Variants in EXOC6B observed in about 807,000 individuals in gnomAD.
EXOC6B encodes the protein SEC15 homolog B.
A neutral mutation model predicts 113.5 loss-of-function variants in EXOC6B; 54 were observed. The ratio of observed to expected loss-of-function variants is 0.48; its 90% CI spans 0.38 to 0.60. The LOEUF is 0.60. Among genes scored for constraint, EXOC6B ranks in the 20% least tolerant of loss-of-function variants. EXOC6B has a pLI of 0.00. For missense variants in EXOC6B, 797 were observed against 977.5 expected, an observed-to-expected ratio of 0.82 and a Z score of 2.46; for synonymous variants, 357 against 339.0, an observed-to-expected ratio of 1.05 and a Z score of -0.58.
chr2:72,641,856 A>G (rs1396668751), intron 6 of EXOC6B, among the ~76,000 whole-genome samples: 2 of 152,222 alleles, frequency 1.3e-5, no homozygotes, highest in Admixed American at 1.3e-4. Flanking sequence ...TCTGGGACGA[A>G]GATTCCAGAG....
chr2:72,455,346 C>A (rs1291356378), intron 18 of EXOC6B, among the ~76,000 whole-genome samples: 1 of 152,182 alleles, frequency 6.6e-6, no homozygotes, highest in Non-Finnish European at 1.5e-5. Flanking sequence ...AGAGTTTCTA[C>A]TTTATGGGGA....
chr2:72,443,924 C>G (rs1573131831), intron 18 of EXOC6B, among the ~76,000 whole-genome samples: 2 of 152,118 alleles, frequency 1.3e-5, no homozygotes, highest in South Asian at 4.1e-4. Flanking sequence ...AATCTCATAT[C>G]CTCACACTTC....
intron 6 of EXOC6B, among the ~76,000 whole-genome samples, chr2:72,647,769 A>G (rs1020027162): frequency 3.3e-5 from 5 of 152,226 alleles, no homozygotes; most frequent in Admixed American, 6.5e-5. Flanking sequence ...CACCTTATAC[A>G]AAAATTAATT....
chr2:72,486,458 C>T (rs1699427020), intron 16 of EXOC6B, among the ~76,000 whole-genome samples: 1 of 152,134 alleles, frequency 6.6e-6, no homozygotes, highest in Admixed American at 6.5e-5. Flanking sequence ...GCACTTGATG[C>T]TACCAAATAA....
intron 1 of EXOC6B, among the ~76,000 whole-genome samples, chr2:72,771,320 C>T (rs933242249): frequency 2.6e-5 from 4 of 152,040 alleles, no homozygotes; most frequent in Non-Finnish European, 5.9e-5. Flanking sequence ...CTAATTTTTG[C>T]CATATTTGTT....
chr2:72,608,229 TAAG>T (rs1196411176), intron 6 of EXOC6B, among the ~76,000 whole-genome samples: 1 of 152,126 alleles, frequency 6.6e-6, no homozygotes, highest in Admixed American at 6.6e-5. Context: ...GGAAAAGCCG[TAAG>T]AAGTTCATAT....
chr2:72,460,109 G>T (rs891129874), intron 18 of EXOC6B, among the ~76,000 whole-genome samples: 12 of 151,980 alleles, frequency 7.9e-5, no homozygotes, highest in Non-Finnish European at 1.2e-4. Flanking sequence ...ATGGGGAAAG[G>T]ATTCCCTATT....
chr2:72,604,152 A>G (rs1269787854), intron 6 of EXOC6B, among the ~76,000 whole-genome samples: 1 of 152,180 alleles, frequency 6.6e-6, no homozygotes, highest in Admixed American at 6.5e-5. Flanking sequence ...TTAACAATTT[A>G]GTGACTCTAA....
chr2:72,676,313 A>AT (rs1676310511), intron 6 of EXOC6B, among the ~76,000 whole-genome samples: 1 of 152,180 alleles, frequency 6.6e-6, no homozygotes, highest in Non-Finnish European at 1.5e-5. Context: ...AAAGCATCTG[A>AT]TTTAGTGAAA....
intron 18 of EXOC6B, among the ~76,000 whole-genome samples, chr2:72,457,005 TG>T (rs202125713): frequency 8.2e-5 from 12 of 145,962 alleles, no homozygotes; most frequent in South Asian, 2.2e-4. Flanking sequence ...ACGAAAGGCA[TG>T]GGGGGGAAAA....
chr2:72,276,655 C>T (rs1212295730), intron 20 of EXOC6B, among the ~76,000 whole-genome samples: 1 of 152,096 alleles, frequency 6.6e-6, no homozygotes, highest in Non-Finnish European at 1.5e-5. Flanking sequence ...AATCTCATTT[C>T]CCATTTCACA....
At chr2:72,807,093 G>A (rs1260674024) in intron 1 of EXOC6B, among the ~76,000 whole-genome samples, 1 of 151,850 alleles carries the variant, frequency 6.6e-6, no homozygotes, top group African/African-American at 2.4e-5. Context: ...GAAATCTTTG[G>A]CCGTGCCTGT....
At chr2:72,405,553 T>C (rs1166534932) in intron 18 of EXOC6B, among the ~76,000 whole-genome samples, 2 of 152,212 alleles carry the variant, frequency 1.3e-5, no homozygotes, top group African/African-American at 4.8e-5. Flanking sequence ...ATATTCAACA[T>C]TCTTACAGAA....
chr2:72,734,766 C>T (rs949109888), intron 2 of EXOC6B, among the ~76,000 whole-genome samples: 4 of 152,244 alleles, frequency 2.6e-5, no homozygotes, highest in Admixed American at 2.6e-4. Flanking sequence ...GAAGGCTTTA[C>T]AAGCTGAAGC....
chr2:72,755,106 A>G (rs867371529), intron 1 of EXOC6B, among the ~76,000 whole-genome samples: 34 of 152,226 alleles, frequency 2.2e-4, no homozygotes, highest in African/African-American at 7.9e-4. Context: ...ATAAATTTGA[A>G]CTGGCCTTGA....
At position 72,179,344 on chromosome 2, in the gene EXOC6B, GT is replaced by G; in HGVS notation, c.2426del (p.His809ProfsTer6). ...AKQLRGLISSHHS is the reference protein window; with the variant it reads ...AKQLRGLISSXHS ...GGTCCGGGGTCACCCTTCATGAGTG[GT>G]GGCTGCTGATGAGTCCTCGGAGCTG... On this transcript the variant is annotated frameshift_variant, in exon 22 of 22. Coordinates refer to ENST00000272427, the MANE Select transcript of EXOC6B (RefSeq NM_015189.3). LOFTEE classifies it high-confidence loss of function. 1 of 1,608,842 alleles carries G rather than the reference GT, an allele frequency of 6.2e-7. No homozygotes were observed. The highest frequency in any genetic ancestry group is 8.5e-7 in the Non-Finnish European group (1 of 1,177,336).
In EXOC6B at chr2:72,283,156, CA is replaced by C. The variant is rs144836675; in HGVS notation, c.2196+51790del. Among the ~76,000 whole-genome samples the C allele has an allele frequency of 8.1e-3, 1,236 of 152,082 alleles. 8 individuals carry two copies. The highest frequency in any genetic ancestry group is 0.012 in the Non-Finnish European group (829 of 67,958). On this transcript the variant is annotated intron_variant, in intron 20 of 21. Coordinates refer to ENST00000272427, the MANE Select transcript of EXOC6B (RefSeq NM_015189.3). ...TACCAAAATATACCATATGCTAAGC[CA>C]AAAGGTTGAACAATCTTCAAACGAC...
intron 8 of EXOC6B, among the ~76,000 whole-genome samples, chr2:72,556,219 T>C (rs956415899): frequency 4.5e-4 from 69 of 152,200 alleles, no homozygotes; most frequent in African/African-American, 1.6e-3. Context: ...GTTATGAGAC[T>C]TTTAGCCAAA....
In EXOC6B at chr2:72,685,733, T is replaced by C. The variant is rs140225793; in HGVS notation, c.669+32370A>G. On this transcript the variant is annotated intron_variant, in intron 6 of 21. Transcript: ENST00000272427. ...ACAGATTTATGGAATATGGAAGACA[T>C]TAAAGTATTCGCTTTCTCTCTGAAA... Among the ~76,000 whole-genome samples the C allele has an allele frequency of 5.0e-3, 757 of 152,306 alleles. 4 individuals are homozygous for C. The highest frequency in any genetic ancestry group is 9.5e-3 in the Admixed American group (146 of 15,298).
Sources: allele counts gnomAD v4.1 joint callset (sites outside exome capture counted in the v4.1 genomes callset), GRCh38; gene constraint gnomAD v4.1.1; transcripts MANE v1.5; gene names NCBI Gene and HGNC (gene_info 2026-07-23, HGNC 2026-07-21).